The following STRADA variants were observed in gnomAD, a reference collection of about 807,000 sequenced individuals.
STRADA encodes the protein STE20-related kinase adapter protein alpha.
Under a neutral mutation model 55.0 loss-of-function variants are expected in STRADA, and 26 were observed. The ratio of observed to expected loss-of-function variants is 0.47; its 90% CI spans 0.35 to 0.66. The LOEUF (loss-of-function observed/expected upper bound fraction) is 0.66, where lower values mean the gene tolerates loss of function less well. Ranked by LOEUF, STRADA falls within the 30% of genes least tolerant of loss-of-function variation. The pLI is 0.01. For missense variants in STRADA, 443 were observed against 549.7 expected (o/e 0.81, Z 1.94); for synonymous variants, 197 against 210.9 (o/e 0.93, Z 0.57).
Position 63,704,542 on chromosome 17 carries a change from A to G in STRADA, c.899T>C (p.Leu300Ser). 1.3e-6 allele frequency: 2 copies of G among 1,519,948 alleles called. No homozygotes were observed. Among genetic ancestry groups the G allele is most frequent in the Non-Finnish European group, 1.8e-6 (2 of 1,127,476 alleles). The allele number at this position is 1,519,948 out of a possible 1,614,324, so 94.2% of individuals were successfully genotyped here. ...CTCAGCGGGGATGGTGCTGGTATCC[A>G]ACAGGCAGGGCACTGTGCCGTTCAG... ...EKLNGTVPCLLDTSTIPAEEL... is the reference protein window; with the variant it reads ...EKLNGTVPCLSDTSTIPAEEL... Residue 300 changes from leucine to serine, a missense_variant, in exon 11 of 13, where the codon TTG (leucine) becomes TCG (serine). Leu to Ser is a moderately radical substitution (Grantham distance 145). Transcript: ENST00000336174.
intron 4 of STRADA, among the ~76,000 whole-genome samples, chr17:63,720,897 G>A (rs2037264791): frequency 6.7e-6 from 1 of 150,006 alleles, no homozygotes; most frequent in South Asian, 2.1e-4. Flanking sequence ...AGGAGTTCGA[G>A]TCCAGCCTGA....
intron 6 of STRADA, among the ~76,000 whole-genome samples, chr17:63,712,933 G>A (rs1437579702): frequency 9.9e-5 from 15 of 151,774 alleles, no homozygotes; most frequent in Admixed American, 9.9e-4. Context: ...CCTGGGAGGT[G>A]GGGGTTGCAG....
At chr17:63,724,963 C>G (rs2037545343) in intron 3 of STRADA, among the ~76,000 whole-genome samples, 2 of 152,054 alleles carry the variant, frequency 1.3e-5, no homozygotes, top group Non-Finnish European at 2.9e-5. Flanking sequence ...ATAATAGGTA[C>G]CACCTAGTAA....
intron 11 of STRADA, 130 bp downstream of exon 11, chr17:63,704,211 T>G (rs2035911764): frequency 1.3e-6 from 2 of 1,530,014 alleles, no homozygotes; most frequent in Non-Finnish European, 1.8e-6. Flanking sequence ...ACCCAGGAGC[T>G]GATCCCTCCT....
chr17:63,714,972 T>C (rs2036757044), intron 4 of STRADA, among the ~76,000 whole-genome samples: 1 of 152,212 alleles, frequency 6.6e-6, no homozygotes, highest in Non-Finnish European at 1.5e-5. Context: ...TTCTCTTTCT[T>C]TAGATGCACA....
intron 3 of STRADA, chr17:63,723,805 C>T (rs987433543): frequency 6.5e-6 from 1 of 152,762 alleles, no homozygotes; most frequent in African/African-American, 2.4e-5. Context: ...TATGAAGGAC[C>T]ATTACCCAAC....
chr17:63,709,348 C>T (rs1351199385), intron 8 of STRADA, among the ~76,000 whole-genome samples: 3 of 152,184 alleles, frequency 2.0e-5, no homozygotes, highest in African/African-American at 7.2e-5. Context: ...TCTCTGATTG[C>T]GAGATTTGAG....
At chr17:63,727,703 A>G (rs2037751277) in intron 2 of STRADA, 2 of 152,226 alleles carry the variant, frequency 1.3e-5, no homozygotes, top group Admixed American at 1.3e-4. Context: ...ATGCTTTAAT[A>G]TGTAAAGAAA....
intron 4 of STRADA, among the ~76,000 whole-genome samples, chr17:63,716,899 A>G (rs550466357): frequency 8.3e-4 from 126 of 152,340 alleles, no homozygotes; most frequent in Non-Finnish European, 1.5e-3. Context: ...CAAAGAGCAT[A>G]GGCTTATGGG....
chr17:63,708,298 C>T (rs1459256572), intron 8 of STRADA, among the ~76,000 whole-genome samples: 1 of 151,968 alleles, frequency 6.6e-6, no homozygotes, highest in East Asian at 1.9e-4. Flanking sequence ...CTCCCAGGTT[C>T]AAGCAATTCT....
At chr17:63,718,004 T>C (rs948969607) in intron 4 of STRADA, among the ~76,000 whole-genome samples, 2 of 152,154 alleles carry the variant, frequency 1.3e-5, no homozygotes, top group Non-Finnish European at 2.9e-5. Context: ...GGCAAGATGA[T>C]GGCTCACTGC....
chr17:63,707,643 T>G (rs1281203871), intron 8 of STRADA: 1 of 487,984 alleles, frequency 2.0e-6, no homozygotes, highest in Non-Finnish European at 3.7e-6. Flanking sequence ...CACTGCAACC[T>G]CTGCCTCCTG....
chr17:63,727,629 GAAGT>G (rs1242956502), intron 2 of STRADA: 3 of 152,140 alleles, frequency 2.0e-5, no homozygotes, highest in African/African-American at 7.2e-5. Flanking sequence ...AATCAAAAAA[GAAGT>G]AATATCCTAA....
chr17:63,738,889 C>T (rs1240465642), intron 1 of STRADA, among the ~76,000 whole-genome samples: 2 of 149,778 alleles, frequency 1.3e-5, no homozygotes, highest in East Asian at 3.9e-4. Flanking sequence ...CGGTGGCTCA[C>T]GCCTGTAATC....
intron 4 of STRADA, among the ~76,000 whole-genome samples, chr17:63,720,587 A>G (rs1225677911): frequency 1.3e-5 from 2 of 151,438 alleles, no homozygotes; most frequent in Non-Finnish European, 2.9e-5. Flanking sequence ...ATCCTGGCCA[A>G]CACAGTGAAA....
chr17:63,711,807 T>TGCTTTAGTA (rs1261826148), intron 6 of STRADA, among the ~76,000 whole-genome samples: 1 of 152,074 alleles, frequency 6.6e-6, no homozygotes, highest in East Asian at 1.9e-4. Context: ...TGGTGGTGCA[T>TGCTTTAGTA]GCCTTTAGTC....
At chr17:63,723,202 G>A in intron 4 of STRADA, 96 bp downstream of exon 4, 1 of 1,381,938 alleles carries the variant, frequency 7.2e-7, no homozygotes, top group South Asian at 1.2e-5. Context: ...CAGATAAGCA[G>A]AAACATAAAA....
chr17:63,704,142 C>A, intron 11 of STRADA, 95 bp from the exon 12 acceptor site: 1 of 1,549,652 alleles, frequency 6.5e-7, no homozygotes, highest in Non-Finnish European at 8.7e-7. Context: ...GGTCCCCTCT[C>A]CCTCTCCCTC....
intron 1 of STRADA, among the ~76,000 whole-genome samples, chr17:63,736,838 GC>G (rs75758752): frequency 2.8e-4 from 19 of 66,928 alleles, no homozygotes; most frequent in Admixed American, 1.3e-3. Flanking sequence ...TTCCCCCCAC[GC>G]CCCCCCCACC....
Sources: gnomAD v4.1 joint callset for allele counts (sites outside exome capture counted in the v4.1 genomes callset) on GRCh38, gnomAD v4.1.1 for gene constraint, MANE v1.5 for transcripts, NCBI Gene and HGNC (gene_info 2026-07-23, HGNC 2026-07-21) for gene names.